The following ZFP82 variants were observed in gnomAD, a reference collection of about 807,000 sequenced individuals.
ZFP82 encodes the protein ZFP82 zinc finger protein, also known as zinc finger protein 82 homolog.
In ZFP82, 30 loss-of-function variants were observed where a neutral mutation model predicts 54.0. That is an observed-to-expected ratio of 0.56 (90% CI 0.42 to 0.75). The LOEUF (loss-of-function observed/expected upper bound fraction) is 0.75. Ranked by LOEUF, ZFP82 falls within the 30% of genes least tolerant of loss-of-function variation. The pLI is 0.00. For missense variants in ZFP82, 500 were observed against 636.8 expected, an observed-to-expected ratio of 0.79 and a Z score of 2.31; for synonymous variants, 194 against 209.5, an observed-to-expected ratio of 0.93 and a Z score of 0.64.
At position 36,409,358 on chromosome 19, in the gene ZFP82, C is replaced by T. The variant is rs549365714; in HGVS notation, c.9+423G>A. 4.6e-5 allele frequency among the ~76,000 whole-genome samples: 7 copies of T among 152,136 alleles called. No individual in the cohort carries two copies. The South Asian group carries it at 1.5e-3, about 32-fold the overall frequency. On this transcript the variant is annotated intron_variant, in intron 2 of 4. Transcript: ENST00000392161. ...CATAGCTTCATTGGAGCCTCAAACT[C>T]CTGGGCTCAAACAATCCTCCATGTC...
At chr19:36,418,234 G>T (rs1015996782) in intron 1 of ZFP82, among the ~76,000 whole-genome samples, 2 of 151,956 alleles carry the variant, frequency 1.3e-5, no homozygotes, top group Admixed American at 6.6e-5. Context: ...GCGCGTTTCT[G>T]CTGGGAGTCT....
chr19:36,402,575 A>T (rs1312544890), intron 4 of ZFP82, among the ~76,000 whole-genome samples: 1 of 152,060 alleles, frequency 6.6e-6, no homozygotes, highest in Non-Finnish European at 1.5e-5. Context: ...CAGTGTAGGC[A>T]CTGAAATGGT....
chr19:36,399,087 G>A (rs886226478), intron 4 of ZFP82, among the ~76,000 whole-genome samples: 1 of 151,884 alleles, frequency 6.6e-6, no homozygotes, highest in Middle Eastern at 3.2e-3. Context: ...AAGGTAGCAG[G>A]ATATAAAATA....
At chr19:36,417,254 T>G (rs1291238429) in intron 1 of ZFP82, among the ~76,000 whole-genome samples, 1 of 152,038 alleles carries the variant, frequency 6.6e-6, no homozygotes, top group Non-Finnish European at 1.5e-5. Context: ...AATACATAAC[T>G]AAGGTTTATT....
chr19:36,394,115 A>G lies in ZFP82; in HGVS notation c.230-5T>C, dbSNP rs775310362. Reference sequence around the variant, plus strand: ...TCTCATACTTGGTCTCCAAATCTAAAATAAAACAAGAAAGCAAACACATGC... The same window carrying G: ...TCTCATACTTGGTCTCCAAATCTAAGATAAAACAAGAAAGCAAACACATGC... On this transcript the variant is annotated splice_polypyrimidine_tract_variant and splice_region_variant and intron_variant, in intron 4 of 4. Coordinates refer to ENST00000392161, the MANE Select transcript of ZFP82 (RefSeq NM_133466.4). The G allele has an allele frequency of 6.3e-7, 1 of 1,595,222 alleles. No homozygotes were observed. Among genetic ancestry groups the G allele is most frequent in the Non-Finnish European group, 8.5e-7 (1 of 1,175,506 alleles).
intron 1 of ZFP82, 88 bp from the exon 2 acceptor site, chr19:36,409,955 C>A (rs1243225580): frequency 1.4e-5 from 9 of 653,264 alleles, no homozygotes; most frequent in Non-Finnish European, 1.9e-5. Context: ...CCCCTCTCTT[C>A]TGATCTCTCC....
Position 36,389,553 on chromosome 19 carries a change from A to C in ZFP82, c.*3188T>G, listed in dbSNP as rs1277371305. On this transcript the variant is annotated 3_prime_UTR_variant, in exon 5 of 5. Transcript: ENST00000392161. The stretch of plus-strand genomic sequence containing the variant: ...ATAACATTTCAGCCTTAAATACCTC[A>C]GTATGAATCTCTAACACTTAAGGAC... Among the ~76,000 whole-genome samples, 4 of 152,294 alleles carry C rather than the reference A, an allele frequency of 2.6e-5. No homozygotes were observed. The East Asian group carries it at 7.7e-4, about 29-fold the overall frequency.
intron 3 of ZFP82, among the ~76,000 whole-genome samples, chr19:36,407,605 A>G (rs2032507288): frequency 6.6e-6 from 1 of 151,914 alleles, no homozygotes; most frequent in Admixed American, 6.6e-5. Flanking sequence ...GAATTCAAAC[A>G]CAAAGTGAAA....
chr19:36,406,083 T>C (rs920213081), intron 3 of ZFP82, among the ~76,000 whole-genome samples: 1 of 152,200 alleles, frequency 6.6e-6, no homozygotes, highest in Non-Finnish European at 1.5e-5. Flanking sequence ...TGTCTGTATC[T>C]AAACATTGCC....
chr19:36,385,408 C>G (rs1377064666), downstream of ZFP82, among the ~76,000 whole-genome samples: 1 of 152,134 alleles, frequency 6.6e-6, no homozygotes, highest in Non-Finnish European at 1.5e-5. Flanking sequence ...ACAAAACAGA[C>G]TAAGACAGAA....
At chr19:36,409,901 T>C in intron 1 of ZFP82, 34 bp from the exon 2 acceptor site, 1 of 1,124,838 alleles carries the variant, frequency 8.9e-7, no homozygotes, top group Middle Eastern at 2.1e-4. Context: ...TGAGATCAGA[T>C]GGACCTCAGA....
rs746884461 is a variant in ZFP82, at chr19:36,393,145, A to G, written c.1195T>C (p.Cys399Arg). ...GAGTAGCGACTAAAGGCTTTCCAGC[A>G]TTCCTTACATTCGTAAGGTTTTTCA... ...TGEKPYECKE[C>R]WKAFSRYSQL... Residue 399 changes from cysteine to arginine, a missense_variant, in exon 5 of 5, where the codon TGC (cysteine) becomes CGC (arginine). Coordinates refer to ENST00000392161, the MANE Select transcript of ZFP82 (RefSeq NM_133466.4). The G allele has an allele frequency of 4.3e-6, 7 of 1,613,924 alleles. No individual in the cohort carries two copies.
exon 2 of ZFP82, chr19:36,383,205 A>G (rs1005708871): frequency 2.6e-5 from 4 of 152,118 alleles, no homozygotes; most frequent in Non-Finnish European, 4.4e-5. Flanking sequence ...AACCACATAT[A>G]TATAGAGAGA....
rs1443274396 is a variant in ZFP82 at position 36,390,401 on chromosome 19, T to G, written c.*2340A>C. ...CATTACTTCTGCAGAATTTCCCAAA[T>G]TGTGCATTTGGTTGTTTGCTTCTTT... is the stretch of plus-strand genomic sequence containing the variant. On this transcript the variant is annotated 3_prime_UTR_variant, in exon 5 of 5. Transcript: ENST00000392161. 8.2e-5 allele frequency: 12 copies of G among 146,362 alleles called. No individual in the cohort carries two copies. The highest frequency in any genetic ancestry group is 3.0e-4 in the African/African-American group (12 of 39,594). 9.1% of individuals were successfully genotyped at this position (146,362 alleles called of 1,614,324 possible). A position where few individuals can be genotyped will look rare whatever the true frequency, so the allele number is the denominator to read the frequency against.
intron 1 of ZFP82, among the ~76,000 whole-genome samples, chr19:36,413,231 C>T (rs775563529): frequency 5.9e-5 from 9 of 152,106 alleles, no homozygotes; most frequent in South Asian, 2.1e-4. Context: ...GCCAACATGA[C>T]GAAACTCCAT....
intron 1 of ZFP82, among the ~76,000 whole-genome samples, chr19:36,415,798 G>A (rs1399055207): frequency 6.6e-6 from 1 of 152,120 alleles, no homozygotes; most frequent in Non-Finnish European, 1.5e-5. Flanking sequence ...GTGGGTTTTG[G>A]GAAAATAAAC....
intron 3 of ZFP82, among the ~76,000 whole-genome samples, chr19:36,407,203 A>G (rs898146416): frequency 6.7e-6 from 1 of 149,056 alleles, no homozygotes; most frequent in African/African-American, 2.5e-5. Context: ...CAGCCTCCCA[A>G]GTAGCTGGGA....
intron 3 of ZFP82, among the ~76,000 whole-genome samples, chr19:36,405,986 C>T (rs979777423): frequency 6.6e-6 from 1 of 152,208 alleles, no homozygotes; most frequent in Non-Finnish European, 1.5e-5. Context: ...GGGCAAGTTA[C>T]TTCCATGCTA....
chr19:36,392,603 T>C lies in ZFP82; in HGVS notation c.*138A>G, dbSNP rs2032218626. On this transcript the variant is annotated 3_prime_UTR_variant, in exon 5 of 5. Transcript: ENST00000392161. ...ATGCTGAAGTTTCAGGTTTGAGTGA[T>C]GATGGACTACAATACATTGTCACAC... 5 of 694,520 alleles carry C rather than the reference T, an allele frequency of 7.2e-6. No homozygotes were observed. In the South Asian group the frequency reaches 1.4e-4, roughly 19 times the overall value. 43.0% of individuals were successfully genotyped at this position (694,520 alleles called of 1,614,324 possible).
Sources: allele counts gnomAD v4.1 joint callset (sites outside exome capture counted in the v4.1 genomes callset), GRCh38; gene constraint gnomAD v4.1.1; transcripts MANE v1.5; gene names NCBI Gene and HGNC (gene_info 2026-07-23, HGNC 2026-07-21).